Variants in OXNAD1 observed in about 807,000 individuals in gnomAD.
OXNAD1 encodes the protein oxidoreductase NAD binding domain containing 1, also known as oxidoreductase NAD-binding domain-containing protein 1.
A neutral mutation model predicts 32.9 loss-of-function variants in OXNAD1; 34 were observed. The observed-to-expected ratio is 1.03, with a 90% confidence interval of 0.79 to 1.38. The LOEUF is 1.38. OXNAD1 is among the 40% of genes most tolerant of loss of function. OXNAD1 has a pLI of 0.00. For synonymous variants in OXNAD1, 134 were observed against 135.2 expected (o/e 0.99, Z 0.06); for missense variants, 407 against 379.4 (o/e 1.07, Z -0.60).
In OXNAD1 at chr3:16,271,646, C is replaced by A; in HGVS notation, c.120-13C>A. The A allele has an allele frequency of 6.4e-7, 1 of 1,573,362 alleles. No individual in the cohort carries two copies. Among genetic ancestry groups the A allele is most frequent in the South Asian group, 1.2e-5 (1 of 84,822 alleles). On this transcript the variant is annotated splice_polypyrimidine_tract_variant and intron_variant, in intron 3 of 8. Transcript: ENST00000285083. The surrounding 1 kb of genome is among the most constrained non-coding windows in gnomAD (Gnocchi z 4.6). ...GATAATATGTAATAACCTAATTTTA[C>A]TTTCTATTAAAGCATAATGAAATCC... is the stretch of plus-strand genomic sequence containing the variant.
downstream of OXNAD1, among the ~76,000 whole-genome samples, chr3:16,307,826 G>A (rs144739372): frequency 1.6e-3 from 240 of 152,254 alleles, no homozygotes; most frequent in African/African-American, 5.5e-3. Context: ...TTTCCCAAAT[G>A]TTTAACGTAG....
chr3:16,326,806 C>T (rs1438949217), intron 9 of OXNAD1: 12 of 1,614,020 alleles, frequency 7.4e-6, no homozygotes, highest in Admixed American at 1.7e-5. Flanking sequence ...TGGTAGCACA[C>T]AGGTGAGCTG....
At position 16,348,890 on chromosome 3, in the gene OXNAD1, A is replaced by G. The variant is rs530842814; in HGVS notation, c.*31-286A>G. 6.6e-6 allele frequency among the ~76,000 whole-genome samples: 1 copy of G among 152,304 alleles called. No individual in the cohort carries two copies. The highest frequency in any genetic ancestry group is 1.9e-4 in the East Asian group (1 of 5,184). Reference sequence around the variant, plus strand: ...GTGTCCTGCCACTGCCACAATCCACACACATTTCAGAACACCCGAGCAAGT... The same window carrying G: ...GTGTCCTGCCACTGCCACAATCCACGCACATTTCAGAACACCCGAGCAAGT... On this transcript the variant is annotated intron_variant, in intron 9 of 9. Transcript: ENST00000606098. The surrounding 1 kb of genome is among the most constrained non-coding windows in gnomAD (Gnocchi z 6.3).
downstream of OXNAD1, among the ~76,000 whole-genome samples, chr3:16,342,311 C>A (rs558685229): frequency 3.9e-5 from 6 of 152,288 alleles, no homozygotes; most frequent in East Asian, 1.2e-3. The surrounding 1 kb of genome is among the most constrained non-coding windows in gnomAD (Gnocchi z 4.0). Flanking sequence ...TCTTTTGCAA[C>A]TGGCTTCTTT....
At position 16,305,858 on chromosome 3, in the gene OXNAD1, G is replaced by C. The variant is rs932173371; in HGVS notation, c.*2296G>C. 1.3e-5 allele frequency: 2 copies of C among 152,350 alleles called. No individual in the cohort carries two copies. Among genetic ancestry groups the C allele is most frequent in the East Asian group, 3.9e-4 (2 of 5,186 alleles). 9.4% of individuals were successfully genotyped at this position (152,350 alleles called of 1,614,324 possible). On this transcript the variant is annotated 3_prime_UTR_variant, in exon 9 of 9. Coordinates refer to ENST00000285083, the MANE Select transcript of OXNAD1 (RefSeq NM_138381.5). This position sits in a 1 kb window ranked among gnomAD's most constrained non-coding sequence, Gnocchi z 4.5. ...TTGAAGGTGATCATACATGTAAAGT[G>C]CTTGGCAGAGCACTGCATGAGTGTG...
At chr3:16,310,286 G>GTTGA (rs1347155184), downstream of OXNAD1, among the ~76,000 whole-genome samples, 7 of 152,220 alleles carry the variant, frequency 4.6e-5, no homozygotes, top group East Asian at 1.3e-3. Context: ...TTTCTTCTAA[G>GTTGA]TTGATTCTCT....
chr3:16,286,494 C>A, intron 5 of OXNAD1, 46 bp downstream of exon 5: 1 of 1,466,324 alleles, frequency 6.8e-7, no homozygotes, highest in Non-Finnish European at 9.6e-7. Flanking sequence ...CAAGAAGGTG[C>A]CATCAGATAG....
rs558362450 is a variant in OXNAD1, at chr3:16,288,038, C to G, written c.290+1590C>G. On this transcript the variant is annotated intron_variant, in intron 5 of 8. Coordinates refer to ENST00000285083, the MANE Select transcript of OXNAD1 (RefSeq NM_138381.5). The surrounding 1 kb of genome is among the most constrained non-coding windows in gnomAD (Gnocchi z 5.1). ...TCATTCCAGGCCCCTGGGCCCTCCTCTTTCAACAAATTTTACCCTTACCAT... is the reference window on the plus strand; with the variant it reads ...TCATTCCAGGCCCCTGGGCCCTCCTGTTTCAACAAATTTTACCCTTACCAT... 1.3e-5 allele frequency among the ~76,000 whole-genome samples: 2 copies of G among 152,300 alleles called. No homozygotes were observed. Among genetic ancestry groups the G allele is most frequent in the African/African-American group, 4.8e-5 (2 of 41,566 alleles).
rs751529121 is a variant in OXNAD1, at chr3:16,317,021, T to C, written c.*30+13429T>C. The C allele has an allele frequency of 3.1e-6, 5 of 1,613,514 alleles. No individual in the cohort carries two copies. The highest frequency in any genetic ancestry group is 4.2e-6 in the Non-Finnish European group (5 of 1,179,774). ...ACCAGGGGACAGCTGTTCTCCCTTG[T>C]CCTCTTGGACAGGGCCCTTCATCTC... On this transcript the variant is annotated intron_variant, in intron 9 of 9. Transcript: ENST00000435829. This position sits in a 1 kb window ranked among gnomAD's most constrained non-coding sequence, Gnocchi z 4.3.
At chr3:16,310,323 A>AAGAT (rs920389332), downstream of OXNAD1, among the ~76,000 whole-genome samples, 1 of 152,128 alleles carries the variant, frequency 6.6e-6, no homozygotes, top group African/African-American at 2.4e-5. Context: ...AACAATCAAC[A>AAGAT]AGATAGGAGG....
intron 9 of OXNAD1, among the ~76,000 whole-genome samples, chr3:16,343,322 C>A (rs2071432099): frequency 6.6e-6 from 1 of 152,190 alleles, no homozygotes; most frequent in South Asian, 2.1e-4. Flanking sequence ...CTAAAGAGTT[C>A]CACATACACT....
rs1394186445 is a variant in OXNAD1, at chr3:16,297,567, A to G, written c.432+2570A>G. 6.6e-6 allele frequency among the ~76,000 whole-genome samples: 1 copy of G among 152,244 alleles called. No homozygotes were observed. The highest frequency in any genetic ancestry group is 1.5e-5 in the Non-Finnish European group (1 of 68,040). On this transcript the variant is annotated intron_variant, in intron 6 of 8. Transcript: ENST00000285083. This position sits in a 1 kb window ranked among gnomAD's most constrained non-coding sequence, Gnocchi z 4.3. Reference sequence around the variant, plus strand: ...ATGAATATTTATAGCAGTTCTATTCATAATTATTAAAAACTTCTAGAAACA... The same window carrying G: ...ATGAATATTTATAGCAGTTCTATTCGTAATTATTAAAAACTTCTAGAAACA...
chr3:16,286,278 C>A, intron 4 of OXNAD1, 64 bp from the exon 5 acceptor site: 1 of 1,265,260 alleles, frequency 7.9e-7, no homozygotes, highest in Non-Finnish European at 1.1e-6. Flanking sequence ...TCTCAGGATG[C>A]CACCATTTGT....
At chr3:16,341,431 A>G (rs1466507048), downstream of OXNAD1, among the ~76,000 whole-genome samples, 1 of 152,214 alleles carries the variant, frequency 6.6e-6, no homozygotes, top group Admixed American at 6.5e-5. The surrounding 1 kb of genome is among the most constrained non-coding windows in gnomAD (Gnocchi z 4.7). Flanking sequence ...TGACAGAGAA[A>G]CTGCAGTGGA....
At chr3:16,315,851 T>C (rs1401437133) in intron 9 of OXNAD1, 2 of 152,378 alleles carry the variant, frequency 1.3e-5, no homozygotes, top group Non-Finnish European at 2.9e-5. Context: ...ATCCTCACGG[T>C]GCACTAACTC....
chr3:16,315,185 G>A (rs1475478556), intron 9 of OXNAD1, among the ~76,000 whole-genome samples: 2 of 152,194 alleles, frequency 1.3e-5, no homozygotes, highest in African/African-American at 4.8e-5. Context: ...GTGCAGTCTC[G>A]GCTCACTGCA....
chr3:16,350,716 G>A (rs952772669), downstream of OXNAD1, among the ~76,000 whole-genome samples: 1 of 152,066 alleles, frequency 6.6e-6, no homozygotes, highest in Non-Finnish European at 1.5e-5. Context: ...GAGGGGTTTG[G>A]GTGTTGATTC....
intron 9 of OXNAD1, among the ~76,000 whole-genome samples, chr3:16,311,127 A>G (rs928858555): frequency 7.2e-6 from 1 of 139,660 alleles, no homozygotes; most frequent in Admixed American, 6.8e-5. Context: ...CTGTTGCCAC[A>G]CAACTCCCTC....
chr3:16,269,470 A>G (rs2064779225), intron 2 of OXNAD1, among the ~76,000 whole-genome samples, 195 bp downstream of exon 2: 2 of 152,262 alleles, frequency 1.3e-5, no homozygotes, highest in African/African-American at 4.8e-5. Flanking sequence ...AAGAAGAAAT[A>G]TATCGTTTAT....
Sources: allele counts gnomAD v4.1 joint callset (sites outside exome capture counted in the v4.1 genomes callset), GRCh38; gene constraint gnomAD v4.1.1; non-coding constraint Gnocchi (gnomAD v3.1); transcripts MANE v1.5; gene names NCBI Gene and HGNC (gene_info 2026-07-23, HGNC 2026-07-21).